ABCA1: variants seen among roughly 807,000 people sequenced by gnomAD.
ABCA1 encodes phospholipid-transporting ATPase ABCA1.
Under a neutral mutation model 262.5 loss-of-function variants are expected in ABCA1, and 133 were observed. The ratio of observed to expected loss-of-function variants is 0.51; its 90% CI spans 0.44 to 0.59. ABCA1 has a LOEUF of 0.59. ABCA1 is among the 20% of genes least tolerant of loss of function. ABCA1 has a pLI of 0.00. For synonymous variants in ABCA1, 1,022 were observed against 1,043.5 expected (o/e 0.98, Z 0.40); for missense variants, 2,452 against 2,777.5 (o/e 0.88, Z 2.63).
Position 104,788,140 on chromosome 9 carries a change from C to A in ABCA1, c.6070-86G>T, listed in dbSNP as rs1829089509. The A allele has an allele frequency of 4.2e-6, 6 of 1,415,324 alleles. No individual in the cohort carries two copies. The East Asian group carries it at 1.4e-4, about 32-fold the overall frequency. The allele number at this position is 1,415,324 out of a possible 1,614,324, so 87.7% of individuals were successfully genotyped here. A position where few individuals can be genotyped will look rare whatever the true frequency, so the allele number is the denominator to read the frequency against. Reference sequence around the variant, plus strand: ...ACACATACATGTATGAAAGTTCTTTCACTGAGTAGGACTAGATTCTATAAT... The same window carrying A: ...ACACATACATGTATGAAAGTTCTTTAACTGAGTAGGACTAGATTCTATAAT... On this transcript the variant is annotated intron_variant, in intron 45 of 49. Transcript: ENST00000374736.
chr9:104,832,846 AC>A, intron 11 of ABCA1, 75 bp from the exon 12 acceptor site: 1 of 1,341,962 alleles, frequency 7.5e-7, no homozygotes, highest in Non-Finnish European at 1.1e-6. Flanking sequence ...TTTACAAAAT[AC>A]TTGCATATAC....
intron 20 of ABCA1, among the ~76,000 whole-genome samples, chr9:104,820,907 T>G (rs1184850411): frequency 6.6e-6 from 1 of 152,066 alleles, no homozygotes; most frequent in Admixed American, 6.6e-5. Flanking sequence ...AAAGAACAAC[T>G]AGGTCTCAAG....
intron 8 of ABCA1, among the ~76,000 whole-genome samples, chr9:104,845,118 A>T (rs779058740): frequency 2.6e-5 from 4 of 152,230 alleles, no homozygotes; most frequent in Non-Finnish European, 5.9e-5. Flanking sequence ...CTACTGAAGA[A>T]GCAATATGGA....
Position 104,818,879 on chromosome 9 carries a change from G to A in ABCA1, c.3246C>T (p.Arg1082=), listed in dbSNP as rs1406350797. Residue 1082 remains arginine (R), a synonymous_variant, in exon 23 of 50, where the codon CGC becomes CGT. Transcript: ENST00000374736. ...WELLLKYRQG[R]TIILSTHHMD... ...TGTGGTGTGTAGAGAGAATAATGGT[G>A]CGGCCTGCCAGGCACAAACACAAGG... 6.2e-7 allele frequency: 1 copy of A among 1,612,454 alleles called. No homozygotes were observed. Among genetic ancestry groups the A allele is most frequent in the African/African-American group, 1.3e-5 (1 of 74,884 alleles).
rs573621657 is a variant in ABCA1, at chr9:104,859,197, A to G, written c.544-499T>C. ...AGAACTATGTTCTAACAATTTCAGAATTTGGAATTCTCCATTTTACTTGCC... is the reference window on the plus strand; with the variant it reads ...AGAACTATGTTCTAACAATTTCAGAGTTTGGAATTCTCCATTTTACTTGCC... On this transcript the variant is annotated intron_variant, in intron 6 of 49. Coordinates refer to ENST00000374736, the MANE Select transcript of ABCA1 (RefSeq NM_005502.4). Among the ~76,000 whole-genome samples the G allele has an allele frequency of 7.2e-5, 11 of 152,388 alleles. No homozygotes were observed. The South Asian group carries it at 2.1e-3, about 29-fold the overall frequency.
At chr9:104,803,205 C>T in intron 33 of ABCA1, 79 bp downstream of exon 33, 1 of 1,516,496 alleles carries the variant, frequency 6.6e-7, no homozygotes, top group South Asian at 1.1e-5. Flanking sequence ...CAAACAATCC[C>T]CAAGGCTTTC....
At chr9:104,871,085 T>A (rs1837567220) in intron 5 of ABCA1, among the ~76,000 whole-genome samples, 1 of 152,192 alleles carries the variant, frequency 6.6e-6, no homozygotes, top group African/African-American at 2.4e-5. Flanking sequence ...GGCTTGGGCT[T>A]AGAGGCCTGA....
At chr9:104,862,638 C>CCCCCCA (rs1836537535) in intron 5 of ABCA1, among the ~76,000 whole-genome samples, 2 of 16,726 alleles carry the variant, frequency 1.2e-4, no homozygotes, top group East Asian at 4.6e-4. Flanking sequence ...GACTGCCGGG[C>CCCCCCA]CGGGCCGGGC....
intron 7 of ABCA1, among the ~76,000 whole-genome samples, chr9:104,857,767 T>A (rs975454885): frequency 6.6e-6 from 1 of 152,208 alleles, no homozygotes; most frequent in African/African-American, 2.4e-5. Flanking sequence ...CAGGAATCTT[T>A]CCCTGGTTTT....
chr9:104,809,428 A>C (rs1831073015), intron 30 of ABCA1, 38 bp downstream of exon 30: 13 of 1,588,946 alleles, frequency 8.2e-6, no homozygotes, highest in African/African-American at 2.7e-5. Flanking sequence ...CCAGGCAACA[A>C]GCACAAGAAG....
intron 42 of ABCA1, 123 bp from the exon 43 acceptor site, chr9:104,792,121 C>T: frequency 2.3e-6 from 2 of 888,706 alleles, no homozygotes; most frequent in South Asian, 1.4e-5. Flanking sequence ...TAACCCTAAG[C>T]CATAGGCATA....
rs1365045136 is a variant in ABCA1 at position 104,890,572 on chromosome 9, C to T, written c.67-1377G>A. ...CTCCAGCTGGGGCAACAGAGAGAGA[C>T]TCCGTCTCAAAAACAAACAAAAAAA... On this transcript the variant is annotated intron_variant, in intron 2 of 49. Transcript: ENST00000374736. Among the ~76,000 whole-genome samples the T allele has an allele frequency of 5.9e-5, 9 of 151,652 alleles. No individual in the cohort carries two copies. In the South Asian group the frequency reaches 1.5e-3, roughly 25 times the overall value.
intron 22 of ABCA1, among the ~76,000 whole-genome samples, chr9:104,819,338 C>T (rs1297703699): frequency 1.3e-5 from 2 of 152,206 alleles, no homozygotes; most frequent in Non-Finnish European, 2.9e-5. Flanking sequence ...TCTCCGCTTC[C>T]ATTCATTTAA....
chr9:104,922,021 C>T (rs1195795269), intron 1 of ABCA1, among the ~76,000 whole-genome samples: 1 of 152,064 alleles, frequency 6.6e-6, no homozygotes, highest in Non-Finnish European at 1.5e-5. Context: ...TAAATCGGGT[C>T]TTAAAGGAGG....
In ABCA1 at chr9:104,788,553, A is replaced by T. The variant is rs1221392121; in HGVS notation, c.5942T>A (p.Ile1981Asn). Reference sequence around the variant, plus strand: ...GCCCATGTTCTGATGTACTTCATGGATGTTTGATAAGATACTGCAAAGGAC... The same window carrying T: ...GCCCATGTTCTGATGTACTTCATGGTTGTTTGATAAGATACTGCAAAGGAC... ...FLNKNSILSN[I>N]HEVHQNMGYC... The change falls in exon 45 of 50, where the codon ATC becomes AAC. Residue 1981 changes from isoleucine to asparagine, a missense_variant. Ile to Asn is a moderately radical substitution (Grantham distance 149). Transcript: ENST00000374736. 1 of 1,614,194 alleles carries T rather than the reference A, an allele frequency of 6.2e-7. No homozygotes were observed. The highest frequency in any genetic ancestry group is 1.3e-5 in the African/African-American group (1 of 75,052).
At chr9:104,827,495 T>C (rs1243308243) in intron 15 of ABCA1, among the ~76,000 whole-genome samples, 2 of 152,222 alleles carry the variant, frequency 1.3e-5, no homozygotes, top group East Asian at 3.8e-4. Context: ...GGACTATGAC[T>C]GGTGGCACCA....
At position 104,784,307 on chromosome 9, in the gene ABCA1, A is replaced by C; in HGVS notation, c.*8T>G. 1.2e-6 allele frequency: 2 copies of C among 1,614,068 alleles called. No individual in the cohort carries two copies. The highest frequency in any genetic ancestry group is 1.7e-6 in the Non-Finnish European group (2 of 1,179,974). ...TTACTTTCAGCCACCCCGTATGAAC[A>C]GGATTCTTCATACATAGCTTTCTTT... is the stretch of plus-strand genomic sequence containing the variant. On this transcript the variant is annotated 3_prime_UTR_variant, in exon 50 of 50. Coordinates refer to ENST00000374736, the MANE Select transcript of ABCA1 (RefSeq NM_005502.4).
intron 16 of ABCA1, among the ~76,000 whole-genome samples, chr9:104,826,332 T>G (rs74821460): frequency 0.01 from 1,585 of 152,282 alleles, 31 homozygotes; most frequent in African/African-American, 0.036. Context: ...TGAGTCACTC[T>G]TAGCTTTCCT....
At chr9:104,846,233 A>G (rs1834866158) in intron 7 of ABCA1, among the ~76,000 whole-genome samples, 1 of 152,364 alleles carries the variant, frequency 6.6e-6, no homozygotes, top group South Asian at 2.1e-4. Flanking sequence ...AAAAAAGAAC[A>G]ATAATTTACA....
Sources: allele counts gnomAD v4.1 joint callset (sites outside exome capture counted in the v4.1 genomes callset), GRCh38; gene constraint gnomAD v4.1.1; transcripts MANE v1.5; gene names NCBI Gene and HGNC (gene_info 2026-07-23, HGNC 2026-07-21).